The following NEDD1 variants were observed in gnomAD, a reference collection of about 807,000 sequenced individuals.
The protein encoded by NEDD1 is NEDD1 gamma-tubulin ring complex targeting factor, also known as protein NEDD1.
Under a neutral mutation model 74.0 loss-of-function variants are expected in NEDD1, and 33 were observed. That is an observed-to-expected ratio of 0.45 (90% CI 0.34 to 0.60). The LOEUF (loss-of-function observed/expected upper bound fraction) is 0.60, where lower values mean the gene tolerates loss of function less well. NEDD1 is among the 20% of genes least tolerant of loss of function. The probability of loss-of-function intolerance (pLI) is 0.01; values close to 1 mark genes in which losing one functional copy is unlikely to be tolerated. For synonymous variants in NEDD1, 250 were observed against 264.4 expected, an observed-to-expected ratio of 0.95 and a Z score of 0.53; for missense variants, 746 against 776.5, an observed-to-expected ratio of 0.96 and a Z score of 0.47.
At chr12:96,945,092 C>G (rs1365380942) in intron 13 of NEDD1, among the ~76,000 whole-genome samples, 1 of 152,000 alleles carries the variant, frequency 6.6e-6, no homozygotes, top group Non-Finnish European at 1.5e-5. Flanking sequence ...GGTTGGTTAA[C>G]TACCTGAAAA....
At chr12:96,944,346 G>GTGTTTT (rs1390201635) in intron 12 of NEDD1, among the ~76,000 whole-genome samples, 7 of 152,020 alleles carry the variant, frequency 4.6e-5, no homozygotes, top group African/African-American at 1.4e-4. Flanking sequence ...CACATGCATG[G>GTGTTTT]TGTTTTTGTT....
chr12:96,925,909 A>G (rs17026118), intron 6 of NEDD1, among the ~76,000 whole-genome samples: 3,341 of 152,244 alleles, frequency 0.022, 114 homozygotes, highest in African/African-American at 0.077. Context: ...TAAGTCCCAC[A>G]TTTATTTGGA....
chr12:96,917,495 T>C, intron 4 of NEDD1, 126 bp from the exon 5 acceptor site: 1 of 1,105,636 alleles, frequency 9.0e-7, no homozygotes, highest in Non-Finnish European at 1.2e-6. Context: ...TAGTACAAGA[T>C]TAGCATGTTT....
At chr12:96,933,517 A>G (rs1477233084) in intron 6 of NEDD1, among the ~76,000 whole-genome samples, 7 of 152,148 alleles carry the variant, frequency 4.6e-5, no homozygotes, top group Non-Finnish European at 1.0e-4. Context: ...TGACTATTCA[A>G]GTGGATATAC....
At chr12:96,936,561 T>C (rs1178864385) in intron 7 of NEDD1, 50 bp from the exon 8 acceptor site, 6 of 1,296,270 alleles carry the variant, frequency 4.6e-6, no homozygotes, top group Non-Finnish European at 5.6e-6. Flanking sequence ...TAAGCTAATA[T>C]ACCTGTACAC....
Position 96,952,019 on chromosome 12 carries a change from G to C in NEDD1, c.1949G>C (p.Arg650Pro). ...EGLVAEIERLREENKRLRAHF is the reference protein window; with the variant it reads ...EGLVAEIERLPEENKRLRAHF ...TTAGTGGCTGAAATTGAAAGACTAC[G>C]AGAAGAAAACAAAAGATTACGGGCC... is the stretch of plus-strand genomic sequence containing the variant. Residue 650 changes from arginine to proline, a missense_variant, in exon 16 of 16, where the codon CGA becomes CCA. This residue lies in a region of NEDD1 where 29 missense variants were observed against 50.8 expected (regional missense o/e 0.57). Coordinates refer to ENST00000266742, the MANE Select transcript of NEDD1 (RefSeq NM_152905.4). 1 of 1,604,508 alleles carries C rather than the reference G, an allele frequency of 6.2e-7. No individual in the cohort carries two copies. Among genetic ancestry groups the C allele is most frequent in the South Asian group, 1.1e-5 (1 of 90,794 alleles).
intron 14 of NEDD1, among the ~76,000 whole-genome samples, chr12:96,949,859 C>G (rs1222406728): frequency 2.6e-5 from 4 of 151,924 alleles, no homozygotes; most frequent in Non-Finnish European, 4.4e-5. Flanking sequence ...AGATTCCATG[C>G]AATTGAGAAA....
At chr12:96,909,633 A>G (rs1592849821) in intron 2 of NEDD1, 119 bp from the exon 3 acceptor site, 2 of 754,742 alleles carry the variant, frequency 2.6e-6, no homozygotes, top group African/African-American at 3.6e-5. Context: ...TGGTGACTGC[A>G]CTGTTTGGAA....
At chr12:96,912,577 A>T in intron 3 of NEDD1, 146 bp from the exon 4 acceptor site, 1 of 505,942 alleles carries the variant, frequency 2.0e-6, no homozygotes, top group Non-Finnish European at 3.5e-6. Context: ...ATTAATAGTA[A>T]TGTGAGCCAT....
intron 5 of NEDD1, among the ~76,000 whole-genome samples, chr12:96,918,226 T>TTTA (rs1874681844): frequency 6.6e-6 from 1 of 151,948 alleles, no homozygotes; most frequent in African/African-American, 2.4e-5. Context: ...TGTAAACTAA[T>TTTA]TTACTATTTA....
intron 14 of NEDD1, 45 bp from the exon 15 acceptor site, chr12:96,951,387 G>A (rs758174719): frequency 4.2e-5 from 46 of 1,099,070 alleles, no homozygotes; most frequent in Non-Finnish European, 5.8e-5. Context: ...ACCTAGAATT[G>A]GTTAAACTAT....
intron 3 of NEDD1, among the ~76,000 whole-genome samples, chr12:96,910,834 C>A (rs1873846115): frequency 1.3e-5 from 2 of 152,124 alleles, no homozygotes; most frequent in Non-Finnish European, 2.9e-5. Flanking sequence ...TACGCTATTT[C>A]TTAACAAATT....
Position 96,940,476 on chromosome 12 carries a change from C to T in NEDD1, c.1185C>T (p.Phe395=). Reference sequence around the variant, plus strand: ...CAGACAGTGGAAAAAATCAGGATTTCTCCAGCTTTGATGATACTGGGAAAA... The same window carrying T: ...CAGACAGTGGAAAAAATCAGGATTTTTCCAGCTTTGATGATACTGGGAAAA... ...KETDSGKNQD[F]SSFDDTGKSS... The change falls in exon 10 of 16, where the codon TTC becomes TTT. Residue 395 remains phenylalanine (F), a synonymous_variant. Coordinates refer to ENST00000266742, the MANE Select transcript of NEDD1 (RefSeq NM_152905.4). 6.2e-7 allele frequency: 1 copy of T among 1,604,882 alleles called. No individual in the cohort carries two copies. The highest frequency in any genetic ancestry group is 8.5e-7 in the Non-Finnish European group (1 of 1,172,574).
At chr12:96,950,555 T>A (rs1878617910) in intron 14 of NEDD1, among the ~76,000 whole-genome samples, 1 of 151,952 alleles carries the variant, frequency 6.6e-6, no homozygotes, top group South Asian at 2.1e-4. Context: ...AACATGAATC[T>A]TCAAAACAAT....
chr12:96,907,942 G>A (rs1873501740), intron 2 of NEDD1, 86 bp downstream of exon 2: 1 of 1,183,632 alleles, frequency 8.4e-7, no homozygotes, highest in South Asian at 2.1e-5. Flanking sequence ...TGTTTCCTAA[G>A]TTGGAGCAGG....
At chr12:96,925,491 AT>A (rs1410426896) in intron 6 of NEDD1, among the ~76,000 whole-genome samples, 4 of 152,164 alleles carry the variant, frequency 2.6e-5, no homozygotes, top group Non-Finnish European at 1.5e-5. Flanking sequence ...TTAATTGACT[AT>A]TTTACATATC....
intron 15 of NEDD1, 109 bp downstream of exon 15, chr12:96,951,607 G>A (rs1878710427): frequency 1.7e-6 from 1 of 600,618 alleles, no homozygotes; most frequent in Admixed American, 3.3e-5. Context: ...TAGTTTCTAA[G>A]ATAAATAGGG....
intron 6 of NEDD1, among the ~76,000 whole-genome samples, chr12:96,929,865 G>A (rs1406065797): frequency 6.6e-6 from 1 of 152,014 alleles, no homozygotes; most frequent in Non-Finnish European, 1.5e-5. Flanking sequence ...TGTTAATGAA[G>A]TGGATATTCT....
At chr12:96,943,459 A>G (rs1565810899) in intron 11 of NEDD1, 101 bp from the exon 12 acceptor site, 3 of 769,948 alleles carry the variant, frequency 3.9e-6, no homozygotes, top group Non-Finnish European at 6.6e-6. Context: ...ATGCAGATCC[A>G]TATCTTCTTC....
Sources: allele counts gnomAD v4.1 joint callset (sites outside exome capture counted in the v4.1 genomes callset), GRCh38; gene constraint gnomAD v4.1.1; regional missense constraint gnomAD v4.1.1; transcripts MANE v1.5; gene names NCBI Gene and HGNC (gene_info 2026-07-23, HGNC 2026-07-21).